CIT: variants seen among roughly 807,000 people sequenced by gnomAD.
CIT encodes the protein citron rho-interacting serine/threonine kinase, also known as citron Rho-interacting kinase.
Under a neutral mutation model 272.7 loss-of-function variants are expected in CIT, and 79 were observed. The ratio of observed to expected loss-of-function variants is 0.29; its 90% confidence interval spans 0.24 to 0.35. The LOEUF (loss-of-function observed/expected upper bound fraction) is 0.35, where lower values mean the gene tolerates loss of function less well. Among genes scored for constraint, CIT ranks in the 10% least tolerant of loss-of-function variants. The pLI, the probability that CIT is intolerant of heterozygous loss-of-function variation, is 1.00. For missense variants in CIT, 1,909 were observed against 2,618.3 expected, an observed-to-expected ratio of 0.73 and a Z score of 5.91; for synonymous variants, 948 against 995.6, an observed-to-expected ratio of 0.95 and a Z score of 0.90.
At position 119,710,115 on chromosome 12, in the gene CIT, G is replaced by A; in HGVS notation, c.5071+136C>T. ...AGGGGGTCCATTAGCTGAGGCTTGG[G>A]CATCTATGGGGACACAGAGATAAGA... On this transcript the variant is annotated intron_variant, in intron 39 of 47. Coordinates refer to ENST00000392521, the MANE Select transcript of CIT (RefSeq NM_001206999.2). The surrounding 1 kb of genome is among the most constrained non-coding windows in gnomAD (Gnocchi z 5.6). The A allele has an allele frequency of 1.1e-6, 1 of 939,076 alleles. No individual in the cohort carries two copies. The highest frequency in any genetic ancestry group is 1.6e-6 in the Non-Finnish European group (1 of 616,258). 58.2% of individuals were successfully genotyped at this position (939,076 alleles called of 1,614,324 possible). A position where few individuals can be genotyped will look rare whatever the true frequency, so the allele number is the denominator to read the frequency against.
intron 46 of CIT, among the ~76,000 whole-genome samples, chr12:119,691,896 A>C (rs765302546): frequency 1.3e-5 from 2 of 152,226 alleles, no homozygotes; most frequent in Non-Finnish European, 2.9e-5. Context: ...GGAGGAAAAA[A>C]ATTACAGTGA....
At chr12:119,723,569 G>C (rs1303349375) in intron 28 of CIT, among the ~76,000 whole-genome samples, 1 of 152,094 alleles carries the variant, frequency 6.6e-6, no homozygotes, top group East Asian at 1.9e-4. Flanking sequence ...ATTTCACGAG[G>C]AAACTGTAAG....
Position 119,721,464 on chromosome 12 carries a change from G to A in CIT, c.3592-15C>T. The A allele has an allele frequency of 6.3e-7, 1 of 1,595,494 alleles. No homozygotes were observed. The highest frequency in any genetic ancestry group is 1.1e-5 in the South Asian group (1 of 89,950). On this transcript the variant is annotated splice_polypyrimidine_tract_variant and intron_variant, in intron 28 of 47. Transcript: ENST00000392521. ...AATTTGGCTTGCTAGTGGGGAGAAG[G>A]GCCAGGGAAATGCTTGATACTGCAC...
chr12:119,850,612 G>A (rs1038844231), intron 4 of CIT, among the ~76,000 whole-genome samples: 10 of 152,036 alleles, frequency 6.6e-5, no homozygotes, highest in Admixed American at 2.0e-4. Context: ...TGCCAGCTCC[G>A]TATATTACCT....
At position 119,728,724 on chromosome 12, in the gene CIT, G is replaced by A. The variant is rs898643196; in HGVS notation, c.3487-118C>T. 9 of 705,976 alleles carry A rather than the reference G, an allele frequency of 1.3e-5. No individual in the cohort carries two copies. The highest frequency in any genetic ancestry group is 5.5e-5 in the Admixed American group (2 of 36,230). 43.7% of individuals were successfully genotyped at this position (705,976 alleles called of 1,614,324 possible). On this transcript the variant is annotated intron_variant, in intron 27 of 47. Transcript: ENST00000392521. The surrounding 1 kb of genome is among the most constrained non-coding windows in gnomAD (Gnocchi z 4.3). Reference sequence around the variant, plus strand: ...AATATTGAGTTCTAAAGGTCAGAACGTAAAGGTTGCTTTTTTCTAAATACA... The same window carrying A: ...AATATTGAGTTCTAAAGGTCAGAACATAAAGGTTGCTTTTTTCTAAATACA...
At chr12:119,751,593 C>A (rs1960264015) in intron 23 of CIT, among the ~76,000 whole-genome samples, 3 of 129,328 alleles carry the variant, frequency 2.3e-5, no homozygotes, top group African/African-American at 9.0e-5. Context: ...AGACAGGAAG[C>A]AGAATCTACA....
chr12:119,706,714 G>A (rs759659575), intron 40 of CIT, among the ~76,000 whole-genome samples: 4 of 152,172 alleles, frequency 2.6e-5, no homozygotes, highest in Non-Finnish European at 5.9e-5. Context: ...TGGATTCCAT[G>A]TCTTTGCTAT....
At chr12:119,877,228 G>C (rs557027381) in intron 1 of CIT, 21 bp downstream of exon 1, 1 of 152,372 alleles carries the variant, frequency 6.6e-6, no homozygotes, top group African/African-American at 2.4e-5. Context: ...GGTAGAATTG[G>C]GTCTGGGGGA....
intron 10 of CIT, among the ~76,000 whole-genome samples, chr12:119,802,925 C>A (rs1024277158): frequency 6.6e-6 from 1 of 152,164 alleles, no homozygotes; most frequent in Non-Finnish European, 1.5e-5. Context: ...CACTCTCTCC[C>A]CTTTAAAGAA....
chr12:119,858,820 T>C (rs1449385016), intron 3 of CIT, among the ~76,000 whole-genome samples: 1 of 146,306 alleles, frequency 6.8e-6, no homozygotes. Flanking sequence ...AGACTCCATC[T>C]CAAAAAAAAA....
Position 119,728,410 on chromosome 12 carries a change from T to A in CIT, c.3591+92A>T. The A allele has an allele frequency of 1.3e-6, 1 of 745,202 alleles. No individual in the cohort carries two copies. Among genetic ancestry groups the A allele is most frequent in the South Asian group, 1.7e-5 (1 of 60,022 alleles). 46.2% of individuals were successfully genotyped at this position (745,202 alleles called of 1,614,324 possible). A position where few individuals can be genotyped will look rare whatever the true frequency, so the allele number is the denominator to read the frequency against. Reference sequence around the variant, plus strand: ...ACTCTCTGTGCTTTCTGCTCAATTTTGCTGTGAACCTAAAGCTGCTCCAAA... The same window carrying A: ...ACTCTCTGTGCTTTCTGCTCAATTTAGCTGTGAACCTAAAGCTGCTCCAAA... On this transcript the variant is annotated intron_variant, in intron 28 of 47. Transcript: ENST00000392521. This position sits in a 1 kb window ranked among gnomAD's most constrained non-coding sequence, Gnocchi z 4.3.
At chr12:119,861,107 C>T (rs917150058) in intron 3 of CIT, among the ~76,000 whole-genome samples, 5 of 150,182 alleles carry the variant, frequency 3.3e-5, no homozygotes, top group South Asian at 2.1e-4. Flanking sequence ...GGGGATACAG[C>T]GAGACTCTGT....
chr12:119,801,980 C>T (rs1593801337), intron 10 of CIT, among the ~76,000 whole-genome samples: 1 of 152,172 alleles, frequency 6.6e-6, no homozygotes, highest in Non-Finnish European at 1.5e-5. Flanking sequence ...AACCTTATTT[C>T]GTATCAAATG....
At chr12:119,874,339 T>C (rs890272735) in intron 2 of CIT, among the ~76,000 whole-genome samples, 3 of 152,170 alleles carry the variant, frequency 2.0e-5, no homozygotes, top group African/African-American at 7.2e-5. Flanking sequence ...CCGAAAATAC[T>C]GGCATTACAG....
intron 1 of CIT, among the ~76,000 whole-genome samples, 191 bp from the exon 2 acceptor site, chr12:119,876,372 T>G (rs1950845595): frequency 6.6e-6 from 1 of 152,138 alleles, no homozygotes; most frequent in Admixed American, 6.5e-5. Context: ...GATGATACAC[T>G]TATCTGACAT....
At chr12:119,850,060 G>A in intron 5 of CIT, 114 bp downstream of exon 5, 1 of 773,708 alleles carries the variant, frequency 1.3e-6, no homozygotes, top group Non-Finnish European at 2.3e-6. Flanking sequence ...TGTAAGGTAA[G>A]AAAGTCTTTG....
At chr12:119,857,169 G>A (rs781022979) in intron 4 of CIT, among the ~76,000 whole-genome samples, 2 of 152,284 alleles carry the variant, frequency 1.3e-5, no homozygotes, top group South Asian at 4.1e-4. Context: ...TACCTAAAGC[G>A]TGTACAAAAG....
intron 9 of CIT, among the ~76,000 whole-genome samples, chr12:119,806,893 T>G (rs203336): frequency 0.74 from 112,551 of 151,982 alleles, 42,301 homozygotes; most frequent in East Asian, 0.97. Flanking sequence ...TGAACTTCCA[T>G]AAATAAAAAG....
rs1956861174 is a variant in CIT at position 119,706,024 on chromosome 12, A to C, written c.5212-1569T>G. Reference sequence around the variant, plus strand: ...AGAATCGCTTAAAGCCGGGAGGCAGAGGCTACAGTGAGCCAAGATCGTGCC... The same window carrying C: ...AGAATCGCTTAAAGCCGGGAGGCAGCGGCTACAGTGAGCCAAGATCGTGCC... On this transcript the variant is annotated intron_variant, in intron 40 of 47. Coordinates refer to ENST00000392521, the MANE Select transcript of CIT (RefSeq NM_001206999.2). Among the ~76,000 whole-genome samples, 5 of 150,684 alleles carry C rather than the reference A, an allele frequency of 3.3e-5. No homozygotes were observed. The South Asian group carries it at 1.0e-3, about 31-fold the overall frequency.
Sources: gnomAD v4.1 joint callset for allele counts (sites outside exome capture counted in the v4.1 genomes callset) on GRCh38, gnomAD v4.1.1 for gene constraint, Gnocchi (gnomAD v3.1) non-coding constraint, MANE v1.5 for transcripts, NCBI Gene and HGNC (gene_info 2026-07-23, HGNC 2026-07-21) for gene names.